Variants in REC8 observed in about 807,000 individuals in gnomAD.
REC8 encodes meiotic recombination protein REC8 homolog.
REC8 carries 42 observed loss-of-function variants against 78.3 expected under a neutral mutation model. That is an observed-to-expected ratio of 0.54 (90% CI 0.42 to 0.69). The LOEUF is 0.69. Among genes scored for constraint, REC8 ranks in the 30% least tolerant of loss-of-function variants. REC8 has a pLI of 0.00. For missense variants in REC8, 581 were observed against 715.8 expected (o/e 0.81, Z 2.15); for synonymous variants, 268 against 274.1 (o/e 0.98, Z 0.22).
downstream of REC8, chr14:24,180,766 G>A: frequency 6.2e-7 from 1 of 1,613,288 alleles, no homozygotes; most frequent in Non-Finnish European, 8.5e-7. Context: ...AACCTGTGAG[G>A]AAAGAGTGGC....
chr14:24,173,773 G>A (rs2038771646), intron 5 of REC8, among the ~76,000 whole-genome samples: 1 of 152,058 alleles, frequency 6.6e-6, no homozygotes, highest in Non-Finnish European at 1.5e-5. Flanking sequence ...CCCTTCCTTG[G>A]TTCCCCATTT....
intron 16 of REC8, 43 bp downstream of exon 16, chr14:24,179,506 G>A (rs1594430377): frequency 6.2e-7 from 1 of 1,613,838 alleles, no homozygotes; most frequent in East Asian, 2.2e-5. Context: ...CACAGCCCTT[G>A]GCCAGGTGGT....
At chr14:24,180,664 C>T (rs781154593), downstream of REC8, 7 of 1,613,976 alleles carry the variant, frequency 4.3e-6, no homozygotes, top group Non-Finnish European at 2.5e-6. Context: ...TCCCGCAAGC[C>T]CCTGCCTATG....
chr14:24,180,538 G>A (rs757755299), downstream of REC8: 4 of 1,614,162 alleles, frequency 2.5e-6, no homozygotes. Flanking sequence ...GTTTGGCCAG[G>A]AACGTCAGGA....
intron 15 of REC8, 36 bp downstream of exon 15, chr14:24,179,169 C>T (rs1392925101): frequency 6.6e-7 from 1 of 1,510,630 alleles, no homozygotes; most frequent in African/African-American, 1.4e-5. Flanking sequence ...TGGGACCACA[C>T]CCTAACCACT....
In REC8 at chr14:24,172,938, CCCG is replaced by C; in HGVS notation, c.167_169del (p.Pro56del). ...ATTACGTGCTGGTACGAGTGCAACC[CCCG>C]CAGCCCGGCCTGCCGCGGCCCCGCT... On this transcript the variant is annotated inframe_deletion, in exon 3 of 19. Transcript: ENST00000611366. The C allele has an allele frequency of 6.2e-7, 1 of 1,611,112 alleles. No homozygotes were observed. The highest frequency in any genetic ancestry group is 8.5e-7 in the Non-Finnish European group (1 of 1,180,014).
At chr14:24,180,703 T>C (rs759536146), downstream of REC8, 13 of 1,614,150 alleles carry the variant, frequency 8.1e-6, no homozygotes, top group East Asian at 6.7e-5. Flanking sequence ...TGGGATCTTG[T>C]TGTCAGCCAG....
rs1389390531 is a variant in REC8 at position 24,178,932 on chromosome 14, G to A, written c.1203+16G>A. Reference sequence around the variant, plus strand: ...TGAGATTGAGGTAACTGCACCACCTGTTTACTGCATCGCCCCAGTGCCAGG... The same window carrying A: ...TGAGATTGAGGTAACTGCACCACCTATTTACTGCATCGCCCCAGTGCCAGG... On this transcript the variant is annotated intron_variant, in intron 14 of 18. Transcript: ENST00000611366. 1 of 1,612,654 alleles carries A rather than the reference G, an allele frequency of 6.2e-7. No individual in the cohort carries two copies. Among genetic ancestry groups the A allele is most frequent in the Admixed American group, 1.7e-5 (1 of 59,876 alleles).
downstream of REC8, chr14:24,180,702 G>C: frequency 1.2e-6 from 2 of 1,614,170 alleles, no homozygotes; most frequent in Non-Finnish European, 1.7e-6. Context: ...GTGGGATCTT[G>C]TTGTCAGCCA....
chr14:24,179,245 T>C (rs766552188), intron 15 of REC8, 112 bp downstream of exon 15: 3 of 1,212,542 alleles, frequency 2.5e-6, no homozygotes, highest in East Asian at 2.3e-5. Flanking sequence ...GTGTGTGACA[T>C]AAGGAAGCAC....
chr14:24,173,243 C>A, intron 4 of REC8, 45 bp downstream of exon 4: 1 of 1,613,996 alleles, frequency 6.2e-7, no homozygotes, highest in South Asian at 1.1e-5. Context: ...CTAGCTTGGC[C>A]TCAGCCTGGC....
At chr14:24,174,080 G>T (rs971584149) in intron 5 of REC8, among the ~76,000 whole-genome samples, 3 of 151,888 alleles carry the variant, frequency 2.0e-5, no homozygotes, top group Non-Finnish European at 4.4e-5. Flanking sequence ...GGCCAGGCTG[G>T]TTTCGAACCC....
In REC8 at chr14:24,177,536, T is replaced by C. The variant is rs201931905; in HGVS notation, c.809T>C (p.Leu270Pro). 27 of 1,613,402 alleles carry C rather than the reference T, an allele frequency of 1.7e-5. No homozygotes were observed. In the African/African-American group the frequency reaches 2.5e-4, roughly 15 times the overall value. The part of the protein sequence containing the change: ...RLTGWEPGAL[L>P]MEVTPPEELR... ...ACAGGCTGGGAACCTGGGGCCCTACTCATGGGTGAGTGCCCACCATGCCCC... is the reference window on the plus strand; with the variant it reads ...ACAGGCTGGGAACCTGGGGCCCTACCCATGGGTGAGTGCCCACCATGCCCC... Residue 270 changes from leucine (L) to proline (P), a missense_variant, in exon 10 of 19, where the codon CTC becomes CCC. Physicochemically the swap from Leu to Pro is moderately conservative, Grantham distance 98. Transcript: ENST00000611366.
At chr14:24,173,530 T>C (rs1594406808) in intron 5 of REC8, 119 bp downstream of exon 5, 1 of 1,539,286 alleles carries the variant, frequency 6.5e-7, no homozygotes, top group Non-Finnish European at 8.7e-7. Context: ...CCACAGGAGA[T>C]GGTGCAGGGG....
chr14:24,174,777 A>G (rs1445331824), intron 5 of REC8, among the ~76,000 whole-genome samples: 1 of 152,110 alleles, frequency 6.6e-6, no homozygotes, highest in African/African-American at 2.4e-5. Flanking sequence ...ACCTGGCTCA[A>G]ATGCTGCCCT....
chr14:24,174,044 T>C (rs896828714), intron 5 of REC8, among the ~76,000 whole-genome samples: 10 of 152,056 alleles, frequency 6.6e-5, no homozygotes, highest in African/African-American at 2.4e-4. Context: ...TTTGTATTTT[T>C]AGTTGAGACA....
In REC8 at chr14:24,176,871, G is replaced by A; in HGVS notation, c.594G>A (p.Glu198=). The A allele has an allele frequency of 1.2e-6, 2 of 1,613,902 alleles. No individual in the cohort carries two copies. Among genetic ancestry groups the A allele is most frequent in the Non-Finnish European group, 1.7e-6 (2 of 1,179,914 alleles). ...VLPPEAITIL[E]AEPIRMLEIE... The stretch of plus-strand genomic sequence containing the variant: ...CACCTGAGGCCATCACGATCCTGGA[G>A]GCAGAGCCCATACGGATGCTGGAGA... The change falls in exon 7 of 19, where the codon GAG becomes GAA. Residue 198 remains glutamate, a synonymous_variant. Transcript: ENST00000611366.
In REC8 at chr14:24,173,275, C is replaced by T. The variant is rs765417834; in HGVS notation, c.342-16C>T. ...TGGCTCAGCCTCAGTCCTTCACGGC[C>T]TACATTCTCTCCCAGACCCAGCCTG... On this transcript the variant is annotated splice_polypyrimidine_tract_variant and intron_variant, in intron 4 of 18. Transcript: ENST00000611366. The T allele has an allele frequency of 6.2e-7, 1 of 1,614,186 alleles. No homozygotes were observed. The highest frequency in any genetic ancestry group is 2.2e-5 in the East Asian group (1 of 44,886).
intron 9 of REC8, 21 bp from the exon 10 acceptor site, chr14:24,177,444 C>T (rs2138789165): frequency 6.2e-7 from 1 of 1,614,176 alleles, no homozygotes; most frequent in South Asian, 1.1e-5. Flanking sequence ...CTCCTCATTT[C>T]TCTTGCCCAT....
Sources: allele counts gnomAD v4.1 joint callset (sites outside exome capture counted in the v4.1 genomes callset), GRCh38; gene constraint gnomAD v4.1.1; transcripts MANE v1.5; gene names NCBI Gene and HGNC (gene_info 2026-07-23, HGNC 2026-07-21).